Variants in GSE1 observed in about 807,000 individuals in gnomAD.
GSE1 encodes Gse1 coiled-coil protein.
GSE1 carries 32 observed loss-of-function variants against 112.6 expected under a neutral mutation model. The observed-to-expected ratio is 0.28, with a 90% CI of 0.21 to 0.38. The LOEUF (loss-of-function observed/expected upper bound fraction) is 0.38. GSE1 is among the 10% of genes least tolerant of loss of function. The pLI is 1.00. For synonymous variants in GSE1, 1,115 were observed against 735.6 expected (o/e 1.52, Z -8.35); for missense variants, 2,348 against 1,699.2 (o/e 1.38, Z -6.71).
At chr16:85,481,980 G>A (rs978490855) in intron 2 of GSE1, among the ~76,000 whole-genome samples, 1 of 152,238 alleles carries the variant, frequency 6.6e-6, no homozygotes, top group African/African-American at 2.4e-5. Flanking sequence ...CAGGGTGGCC[G>A]ATGCCCTCGC....
At chr16:85,627,702 C>T (rs1037919105) in intron 1 of GSE1, among the ~76,000 whole-genome samples, 4 of 151,854 alleles carry the variant, frequency 2.6e-5, no homozygotes, top group African/African-American at 9.7e-5. Context: ...TCATCCGTCA[C>T]AGGCCTTCAC....
intron 1 of GSE1, among the ~76,000 whole-genome samples, chr16:85,589,992 A>G (rs2046911782): frequency 6.6e-6 from 1 of 151,964 alleles, no homozygotes; most frequent in African/African-American, 2.4e-5. Flanking sequence ...GCATGTGTGA[A>G]TGTGAGACTG....
At chr16:85,361,961 T>C (rs2047091673) in intron 2 of GSE1, among the ~76,000 whole-genome samples, 1 of 152,238 alleles carries the variant, frequency 6.6e-6, no homozygotes, top group African/African-American at 2.4e-5. Context: ...CAAAGGCTCC[T>C]GGTGGCTGGC....
At chr16:85,485,893 A>C (rs1031456782) in intron 2 of GSE1, among the ~76,000 whole-genome samples, 5 of 152,144 alleles carry the variant, frequency 3.3e-5, no homozygotes, top group Admixed American at 6.5e-5. Context: ...CTTCCCCCAA[A>C]CACACACAGA....
At chr16:85,212,734 G>A (rs540456959) in intron 1 of GSE1, among the ~76,000 whole-genome samples, 5 of 152,328 alleles carry the variant, frequency 3.3e-5, no homozygotes, top group East Asian at 1.9e-4. Context: ...GTCTGTGAGG[G>A]GTGTCCGCCC....
At chr16:85,603,969 G>A (rs754924738) in intron 1 of GSE1, among the ~76,000 whole-genome samples, 2 of 152,110 alleles carry the variant, frequency 1.3e-5, no homozygotes, top group Non-Finnish European at 2.9e-5. Flanking sequence ...AAAGAAAAGC[G>A]GTATAATTGG....
rs571159442 is a variant in GSE1, at chr16:85,338,323, T to C, written c.2284-19140T>C. 1.6e-4 allele frequency among the ~76,000 whole-genome samples: 25 copies of C among 152,306 alleles called. No homozygotes were observed. The East Asian group carries it at 4.6e-3, about 28-fold the overall frequency. On this transcript the variant is annotated intron_variant, in intron 1 of 2. Transcript: ENST00000637419. ...TTTCCTGCAATGGGGCCACCCTGAG[T>C]GCCCTCCTAACCTTCCGGGCTGCTC...
At chr16:85,249,794 C>G (rs968775033) in intron 1 of GSE1, among the ~76,000 whole-genome samples, 26 of 152,228 alleles carry the variant, frequency 1.7e-4, no homozygotes, top group African/African-American at 6.3e-4. Flanking sequence ...CCAAGTGGCA[C>G]AGGGTCAGGC....
chr16:85,227,154 C>T (rs73257936), intron 1 of GSE1, among the ~76,000 whole-genome samples: 103 of 152,238 alleles, frequency 6.8e-4, no homozygotes, highest in African/African-American at 2.3e-3. Flanking sequence ...TTCATTGGTC[C>T]GTCTATCCAT....
At chr16:85,199,696 G>C (rs2074993533) in intron 1 of GSE1, among the ~76,000 whole-genome samples, 2 of 152,060 alleles carry the variant, frequency 1.3e-5, no homozygotes, top group South Asian at 4.1e-4. Flanking sequence ...GTCTAAGTTT[G>C]GGAGCTCAGG....
At chr16:85,280,838 T>C (rs1329390400) in intron 1 of GSE1, among the ~76,000 whole-genome samples, 1 of 152,208 alleles carries the variant, frequency 6.6e-6, no homozygotes, top group African/African-American at 2.4e-5. Context: ...TGTTACTGTG[T>C]CTGATTTCTT....
chr16:85,230,703 G>A (rs752420321), intron 1 of GSE1, among the ~76,000 whole-genome samples: 67 of 152,196 alleles, frequency 4.4e-4, no homozygotes, highest in Non-Finnish European at 7.5e-4. Context: ...GGCCTACCCC[G>A]GGGCACATGC....
At chr16:85,188,798 C>G (rs1473725480) in intron 1 of GSE1, among the ~76,000 whole-genome samples, 84 of 142,580 alleles carry the variant, frequency 5.9e-4, no homozygotes, top group Non-Finnish European at 9.8e-4. Context: ...GGGACCTTAT[C>G]TCTATCTTAA....
intron 2 of GSE1, among the ~76,000 whole-genome samples, chr16:85,498,519 A>G (rs1015040453): frequency 1.3e-5 from 2 of 152,016 alleles, no homozygotes; most frequent in Admixed American, 1.3e-4. Context: ...ACACAGAGAT[A>G]CATGCATGTA....
In GSE1 at chr16:85,210,665, GC is replaced by G. The variant is rs762998932; in HGVS notation, c.2283+38860del. On this transcript the variant is annotated intron_variant, in intron 1 of 2. Coordinates refer to the GSE1 transcript ENST00000637419. ...AGACTGTACACGTGTCCTGATTCCA[GC>G]CTTAAAGAAATATGCCTGTGTAAGT... 5.8e-4 allele frequency among the ~76,000 whole-genome samples: 88 copies of G among 152,176 alleles called. 1 individual carries two copies. The highest frequency in any genetic ancestry group is 4.9e-4 in the Non-Finnish European group (33 of 68,028).
intron 1 of GSE1, among the ~76,000 whole-genome samples, chr16:85,615,548 A>C (rs1420863996): frequency 6.6e-6 from 1 of 152,122 alleles, no homozygotes; most frequent in Non-Finnish European, 1.5e-5. Flanking sequence ...GTGCCGGGCC[A>C]GAGCTGGTGA....
chr16:85,467,826 T>G (rs1466137463), intron 2 of GSE1, among the ~76,000 whole-genome samples: 2 of 152,186 alleles, frequency 1.3e-5, no homozygotes, highest in Admixed American at 1.3e-4. Context: ...ACATACCTGC[T>G]AGGGGTGTTG....
At chr16:85,431,758 G>T (rs540016368) in intron 2 of GSE1, among the ~76,000 whole-genome samples, 1 of 152,174 alleles carries the variant, frequency 6.6e-6, no homozygotes, top group Non-Finnish European at 1.5e-5. Context: ...TATCTGGGCC[G>T]CCTTGCCTCC....
At chr16:85,245,965 T>TG (rs1455853431) in intron 1 of GSE1, among the ~76,000 whole-genome samples, 2 of 147,730 alleles carry the variant, frequency 1.4e-5, no homozygotes, top group Non-Finnish European at 3.0e-5. Context: ...GGCGTGTGTG[T>TG]GTGGGGGGCT....
Sources: gnomAD v4.1 joint callset for allele counts (sites outside exome capture counted in the v4.1 genomes callset) on GRCh38, gnomAD v4.1.1 for gene constraint, MANE v1.5 for transcripts, NCBI Gene and HGNC (gene_info 2026-07-23, HGNC 2026-07-21) for gene names.